The following NOS1 variants were observed in gnomAD, a reference collection of about 807,000 sequenced individuals.
The protein encoded by NOS1 is nitric oxide synthase 1, also known as NOS type I.
Under a neutral mutation model 164.5 loss-of-function variants are expected in NOS1, and 51 were observed. That is an observed-to-expected ratio of 0.31 (90% confidence interval 0.25 to 0.39). The LOEUF is 0.39. Among genes scored for constraint, NOS1 ranks in the 10% least tolerant of loss-of-function variants. The probability of loss-of-function intolerance (pLI) is 1.00; values close to 1 mark genes in which losing one functional copy is unlikely to be tolerated. For synonymous variants in NOS1, 719 were observed against 745.8 expected (o/e 0.96, Z 0.59); for missense variants, 1,362 against 1,885.6 (o/e 0.72, Z 5.14).
chr12:117,214,215 AT>A lies in NOS1; in HGVS notation c.*1093del, dbSNP rs1268973743. 3.0e-6 allele frequency: 3 copies of A among 985,342 alleles called. No homozygotes were observed. The highest frequency in any genetic ancestry group is 3.6e-6 in the Non-Finnish European group (3 of 829,890). 61.0% of individuals were successfully genotyped at this position (985,342 alleles called of 1,614,324 possible). A position where few individuals can be genotyped will look rare whatever the true frequency, so the allele number is the denominator to read the frequency against. ...GGGGGAATAAAAAAATAATAATCAT[AT>A]TGTTACTTGATATTGTTTCCAGGCA... On this transcript the variant is annotated 3_prime_UTR_variant, in exon 29 of 29. Transcript: ENST00000317775.
chr12:117,269,598 G>A (rs908071873), intron 10 of NOS1, among the ~76,000 whole-genome samples: 2 of 150,278 alleles, frequency 1.3e-5, no homozygotes, highest in Non-Finnish European at 2.9e-5. Flanking sequence ...TCCCAAAGTA[G>A]CTGGGACTAC....
At chr12:117,262,548 T>C (rs1465033721) in intron 13 of NOS1, among the ~76,000 whole-genome samples, 7 of 151,720 alleles carry the variant, frequency 4.6e-5, no homozygotes, top group African/African-American at 7.3e-5. Context: ...ATTGATTCTA[T>C]GGGCTCTATT....
rs905299087 is a variant in NOS1, at chr12:117,241,283, T to C, written c.3041+1344A>G. Among the ~76,000 whole-genome samples the C allele has an allele frequency of 3.9e-5, 6 of 151,980 alleles. No individual in the cohort carries two copies. The East Asian group carries it at 1.2e-3, about 30-fold the overall frequency. On this transcript the variant is annotated intron_variant, in intron 20 of 28. Coordinates refer to ENST00000317775, the MANE Select transcript of NOS1 (RefSeq NM_000620.5). The stretch of plus-strand genomic sequence containing the variant: ...ATGAAGGTCTTTGCATTAGTTCCCA[T>C]TGAATGGAATGTTTTTCACTTTGTA...
rs1592915965 is a variant in NOS1 at position 117,213,733 on chromosome 12, C to T, written c.*1576G>A. Reference sequence around the variant, plus strand: ...GCAAGACACAACAAACAGGGTAGAACCAGCAGAACATTCCCTTTCCATCCT... The same window carrying T: ...GCAAGACACAACAAACAGGGTAGAATCAGCAGAACATTCCCTTTCCATCCT... On this transcript the variant is annotated 3_prime_UTR_variant, in exon 29 of 29. Transcript: ENST00000317775. 1 of 985,412 alleles carries T rather than the reference C, an allele frequency of 1.0e-6. No individual in the cohort carries two copies. Among genetic ancestry groups the T allele is most frequent in the South Asian group, 4.7e-5 (1 of 21,280 alleles). The allele number at this position is 985,412 out of a possible 1,614,324, so 61.0% of individuals were successfully genotyped here.
Position 117,331,104 on chromosome 12 carries a change from C to T in NOS1, c.-35G>A. 2 of 1,575,720 alleles carry T rather than the reference C, an allele frequency of 1.3e-6. No individual in the cohort carries two copies. Among genetic ancestry groups the T allele is most frequent in the Non-Finnish European group, 1.7e-6 (2 of 1,158,494 alleles). On this transcript the variant is annotated 5_prime_UTR_variant, in exon 2 of 29. Transcript: ENST00000317775. Reference sequence around the variant, plus strand: ...CTTCCGAGGGGTCCTGTCTGAAGACCTCACAATGCTATCAGGCCAAGATGA... The same window carrying T: ...CTTCCGAGGGGTCCTGTCTGAAGACTTCACAATGCTATCAGGCCAAGATGA...
chr12:117,342,046 T>A (rs964066470), intron 1 of NOS1, among the ~76,000 whole-genome samples: 1 of 152,230 alleles, frequency 6.6e-6, no homozygotes, highest in African/African-American at 2.4e-5. Flanking sequence ...CGGAAACTTT[T>A]CTTAACAATC....
At chr12:117,287,716 G>A (rs761882401) in intron 5 of NOS1, among the ~76,000 whole-genome samples, 3 of 152,236 alleles carry the variant, frequency 2.0e-5, no homozygotes, top group Non-Finnish European at 4.4e-5. Context: ...TGGGATTACA[G>A]GCGTGAGCCA....
In NOS1 at chr12:117,266,699, C is replaced by T. The variant is rs142010211; in HGVS notation, c.1942-1189G>A. On this transcript the variant is annotated intron_variant, in intron 11 of 28. Transcript: ENST00000317775. ...ATTACAGGCACATGCCACTACTGCC[C>T]GGCTAATTTTTGTATTTTTAGCAGA... is the stretch of plus-strand genomic sequence containing the variant. 5.2e-3 allele frequency among the ~76,000 whole-genome samples: 794 copies of T among 151,936 alleles called. 7 individuals carry two copies. The highest frequency in any genetic ancestry group is 0.018 in the African/African-American group (763 of 41,466).
intron 3 of NOS1, among the ~76,000 whole-genome samples, chr12:117,292,733 T>C (rs565047744): frequency 6.6e-6 from 1 of 152,292 alleles, no homozygotes; most frequent in African/African-American, 2.4e-5. Context: ...CTCCTGGCCA[T>C]CAGGAATAAT....
intron 3 of NOS1, among the ~76,000 whole-genome samples, chr12:117,298,231 C>T (rs9658314): frequency 0.029 from 4,337 of 151,680 alleles, 214 homozygotes; most frequent in African/African-American, 0.1. Context: ...TTCTCATAAG[C>T]GCAGGCAGCC....
Position 117,222,823 on chromosome 12 carries a change from C to T in NOS1, c.3867G>A (p.Arg1289=), listed in dbSNP as rs1956729528. 2 of 1,613,888 alleles carry T rather than the reference C, an allele frequency of 1.2e-6. No individual in the cohort carries two copies. Among genetic ancestry groups the T allele is most frequent in the African/African-American group, 1.3e-5 (1 of 74,976 alleles). ...PCPMVLVFGC[R]QSKIDHIYRE... Reference sequence around the variant, plus strand: ...TGTAGATATGATCTATCTTGGATTGCCGGCACCCGAAGACCAGGACCATGG... The same window carrying T: ...TGTAGATATGATCTATCTTGGATTGTCGGCACCCGAAGACCAGGACCATGG... The change falls in exon 26 of 29, where the codon CGG becomes CGA. Residue 1289 remains arginine (R), a synonymous_variant. Transcript: ENST00000317775.
At chr12:117,283,591 T>A (rs1335078372) in intron 7 of NOS1, among the ~76,000 whole-genome samples, 1 of 152,076 alleles carries the variant, frequency 6.6e-6, no homozygotes, top group Non-Finnish European at 1.5e-5. Context: ...GCGTGGTGGC[T>A]CACACCTGTG....
intron 27 of NOS1, among the ~76,000 whole-genome samples, 181 bp from the exon 28 acceptor site, chr12:117,218,345 G>C (rs910437685): frequency 1.3e-5 from 2 of 152,134 alleles, no homozygotes; most frequent in African/African-American, 4.8e-5. Context: ...CAGCAAAACT[G>C]TTCTCTGGGA....
chr12:117,268,283 T>C (rs1592970107), intron 10 of NOS1, 139 bp from the exon 11 acceptor site: 1 of 642,352 alleles, frequency 1.6e-6, no homozygotes, highest in African/African-American at 1.8e-5. Context: ...CAGGCTGGAG[T>C]GCAGTGGTGT....
In NOS1 at chr12:117,356,284, T is replaced by C. The variant is rs1876848360; in HGVS notation, c.-421+5228A>G. ...AGCTGGCCTCTGACGTTTCCTAAGATGATTCTCAGTGTGAGGCCCTCCCTT... is the reference window on the plus strand; with the variant it reads ...AGCTGGCCTCTGACGTTTCCTAAGACGATTCTCAGTGTGAGGCCCTCCCTT... On this transcript the variant is annotated intron_variant, in intron 1 of 28. Coordinates refer to ENST00000317775, the MANE Select transcript of NOS1 (RefSeq NM_000620.5). The surrounding 1 kb of genome is among the most constrained non-coding windows in gnomAD (Gnocchi z 4.2). Among the ~76,000 whole-genome samples the C allele has an allele frequency of 6.6e-6, 1 of 152,216 alleles. No homozygotes were observed. The highest frequency in any genetic ancestry group is 2.4e-5 in the African/African-American group (1 of 41,458).
chr12:117,333,432 G>A (rs1875644024), intron 1 of NOS1, among the ~76,000 whole-genome samples: 1 of 152,166 alleles, frequency 6.6e-6, no homozygotes, highest in Non-Finnish European at 1.5e-5. Context: ...GGTCACCCCA[G>A]GGCTGAGGCA....
chr12:117,242,711 G>C lies in NOS1; in HGVS notation c.2963-6C>G. 6.2e-7 allele frequency: 1 copy of C among 1,613,784 alleles called. No homozygotes were observed. The highest frequency in any genetic ancestry group is 8.5e-7 in the Non-Finnish European group (1 of 1,179,690). On this transcript the variant is annotated splice_polypyrimidine_tract_variant and splice_region_variant and intron_variant, in intron 19 of 28. Coordinates refer to ENST00000317775, the MANE Select transcript of NOS1 (RefSeq NM_000620.5). ...TTTGTGGACATTGGATAGACCTGTG[G>C]GGAGAAAAACAACAGTCTTCCTGAG...
intron 6 of NOS1, among the ~76,000 whole-genome samples, chr12:117,285,788 C>T (rs1418691732): frequency 6.6e-6 from 1 of 152,140 alleles, no homozygotes; most frequent in Non-Finnish European, 1.5e-5. Context: ...AGGGAGTAGG[C>T]AGATAAATAG....
intron 1 of NOS1, among the ~76,000 whole-genome samples, chr12:117,358,782 T>TC (rs1437290110): frequency 4.6e-5 from 7 of 152,216 alleles, no homozygotes; most frequent in African/African-American, 9.7e-5. Flanking sequence ...GATTTGGGAC[T>TC]TTGGGGAAAA....
Sources: allele counts gnomAD v4.1 joint callset (sites outside exome capture counted in the v4.1 genomes callset), GRCh38; gene constraint gnomAD v4.1.1; non-coding constraint Gnocchi (gnomAD v3.1); transcripts MANE v1.5; gene names NCBI Gene and HGNC (gene_info 2026-07-23, HGNC 2026-07-21).